The following SCOC variants were observed in gnomAD, a reference collection of about 807,000 sequenced individuals.
SCOC encodes the protein short coiled coil protein.
Under a neutral mutation model 9.9 loss-of-function variants are expected in SCOC, and 7 were observed. That is an observed-to-expected ratio of 0.71 (90% confidence interval 0.40 to 1.33). The LOEUF is 1.33. Among genes scored for constraint, SCOC ranks in the 40% most tolerant of loss-of-function variants. The pLI, the probability that SCOC is intolerant of heterozygous loss-of-function variation, is 0.01. For synonymous variants in SCOC, 19 were observed against 28.2 expected, an observed-to-expected ratio of 0.67 and a Z score of 1.03; for missense variants, 66 against 89.7, an observed-to-expected ratio of 0.74 and a Z score of 1.07.
intron 1 of SCOC, chr4:140,285,091 G>A: frequency 4.5e-6 from 2 of 440,944 alleles, no homozygotes; most frequent in Non-Finnish European, 4.6e-6. Flanking sequence ...CAACAGATGA[G>A]GAAACTGAGG....
intron 1 of SCOC, among the ~76,000 whole-genome samples, chr4:140,311,598 C>T (rs1732157587): frequency 6.6e-6 from 1 of 152,082 alleles, no homozygotes. Context: ...AGGAACATGC[C>T]CTCTTCCTCC....
At chr4:140,321,910 G>C (rs1732510576) in intron 1 of SCOC, among the ~76,000 whole-genome samples, 1 of 152,174 alleles carries the variant, frequency 6.6e-6, no homozygotes, top group Admixed American at 6.5e-5. Flanking sequence ...GAGGTGTTTA[G>C]ATTATGAGGG....
At chr4:140,359,282 A>AGT (rs1727362394) in intron 2 of SCOC, among the ~76,000 whole-genome samples, 2 of 152,028 alleles carry the variant, frequency 1.3e-5, no homozygotes, top group African/African-American at 4.8e-5. Context: ...GCCACGGTGG[A>AGT]AGCTGGCTGC....
chr4:140,284,194 G>C (rs556787921), intron 1 of SCOC: 7 of 151,506 alleles, frequency 4.6e-5, no homozygotes, highest in Non-Finnish European at 8.8e-5. Flanking sequence ...CTTTTCGTAC[G>C]TTACAGTTGA....
At chr4:140,348,676 G>A (rs1307287285) in intron 2 of SCOC, among the ~76,000 whole-genome samples, 2 of 152,040 alleles carry the variant, frequency 1.3e-5, no homozygotes, top group Admixed American at 1.3e-4. Context: ...CAATGAATAC[G>A]AGCATGCAGA....
At chr4:140,277,421 T>C (rs551480510) in intron 1 of SCOC, among the ~76,000 whole-genome samples, 3 of 152,286 alleles carry the variant, frequency 2.0e-5, no homozygotes, top group African/African-American at 7.2e-5. Flanking sequence ...CTCTAAGAAT[T>C]TTCCTATTCT....
At position 140,317,182 on chromosome 4, in the gene SCOC, T is replaced by C. The variant is rs114120812; in HGVS notation, c.-18-26439T>C. 6.4e-3 allele frequency among the ~76,000 whole-genome samples: 967 copies of C among 152,270 alleles called. 6 individuals carry two copies. Among genetic ancestry groups the C allele is most frequent in the African/African-American group, 0.022 (921 of 41,550 alleles). On this transcript the variant is annotated intron_variant, in intron 1 of 4. Coordinates refer to the SCOC transcript ENST00000394205. Reference sequence around the variant, plus strand: ...GGCTTAGGGGTGTTGTTTGCCTAGATACTGCATGCAGCTCTTTCTCTATGG... The same window carrying C: ...GGCTTAGGGGTGTTGTTTGCCTAGACACTGCATGCAGCTCTTTCTCTATGG...
At chr4:140,284,770 C>CAA (rs34770368) in intron 1 of SCOC, 967 of 78,670 alleles carry the variant, frequency 0.012, 17 homozygotes, top group African/African-American at 0.032. Context: ...CTATTTCTTT[C>CAA]AAAAAAAAAA....
upstream of SCOC, among the ~76,000 whole-genome samples, chr4:140,342,261 T>C (rs904084301): frequency 1.3e-5 from 2 of 152,194 alleles, no homozygotes; most frequent in Admixed American, 6.6e-5. Flanking sequence ...CAATTTTGCC[T>C]GTTGAATCCC....
intron 2 of SCOC, chr4:140,366,288 CCCTTCTGAGCTTTTGGAG>C (rs1727792806): frequency 1.4e-6 from 2 of 1,404,470 alleles, no homozygotes; most frequent in Non-Finnish European, 1.9e-6. Flanking sequence ...AGCTTTTTGA[CCCTTCTGAGCTTTTGGAG>C]GAGGCGCTGC....
intron 1 of SCOC, among the ~76,000 whole-genome samples, chr4:140,317,076 A>G (rs932621590): frequency 6.6e-6 from 1 of 152,080 alleles, no homozygotes; most frequent in Non-Finnish European, 1.5e-5. Flanking sequence ...TCCGTTGTCC[A>G]TGATCTTAAG....
chr4:140,294,612 C>G (rs1227252571), intron 1 of SCOC, among the ~76,000 whole-genome samples: 1 of 152,200 alleles, frequency 6.6e-6, no homozygotes, highest in Non-Finnish European at 1.5e-5. Context: ...GACCCGTGCT[C>G]TGTTTCTTGG....
chr4:140,285,723 C>A (rs1424485806), intron 1 of SCOC, among the ~76,000 whole-genome samples: 1 of 152,160 alleles, frequency 6.6e-6, no homozygotes, highest in Non-Finnish European at 1.5e-5. Context: ...TTCAATGAAC[C>A]AAGACATTGC....
intron 1 of SCOC, among the ~76,000 whole-genome samples, chr4:140,294,827 C>G (rs1293166621): frequency 6.6e-6 from 1 of 152,196 alleles, no homozygotes; most frequent in Non-Finnish European, 1.5e-5. Flanking sequence ...TTCTGCTGAC[C>G]TGGAAACAGC....
At chr4:140,321,472 C>A (rs1732497511) in intron 1 of SCOC, among the ~76,000 whole-genome samples, 1 of 151,982 alleles carries the variant, frequency 6.6e-6, no homozygotes, top group Non-Finnish European at 1.5e-5. Context: ...TAGATAAGTT[C>A]AACAGAGAGA....
At chr4:140,319,334 G>A (rs1463608646) in intron 1 of SCOC, among the ~76,000 whole-genome samples, 5 of 151,994 alleles carry the variant, frequency 3.3e-5, no homozygotes, top group African/African-American at 9.7e-5. Context: ...CAGGTGATCC[G>A]CCAACCTTGG....
intron 1 of SCOC, among the ~76,000 whole-genome samples, chr4:140,293,984 T>G (rs997950997): frequency 1.3e-5 from 2 of 152,144 alleles, no homozygotes; most frequent in Non-Finnish European, 2.9e-5. Context: ...AGCCATAACT[T>G]TTTTACTCCT....
At chr4:140,272,236 T>A (rs900657616) in intron 1 of SCOC, among the ~76,000 whole-genome samples, 7 of 151,560 alleles carry the variant, frequency 4.6e-5, no homozygotes, top group Non-Finnish European at 7.4e-5. Context: ...TTTTTTTTTT[T>A]TATAGACCAG....
At chr4:140,351,467 C>G (rs966316684) in intron 2 of SCOC, among the ~76,000 whole-genome samples, 1 of 152,144 alleles carries the variant, frequency 6.6e-6, no homozygotes, top group Non-Finnish European at 1.5e-5. Flanking sequence ...CCTCAGCCTC[C>G]GTCCTGACTC....
Sources: allele counts gnomAD v4.1 joint callset (sites outside exome capture counted in the v4.1 genomes callset), GRCh38; gene constraint gnomAD v4.1.1; transcripts MANE v1.5; gene names NCBI Gene and HGNC (gene_info 2026-07-23, HGNC 2026-07-21).